FOSL2: variants seen among roughly 807,000 people sequenced by gnomAD.
FOSL2 encodes the protein fos-related antigen 2.
Under a neutral mutation model 27.7 loss-of-function variants are expected in FOSL2, and 3 were observed. That is an observed-to-expected ratio of 0.11 (90% CI 0.05 to 0.28). The LOEUF (loss-of-function observed/expected upper bound fraction) is 0.28, where lower values mean the gene tolerates loss of function less well. Among genes scored for constraint, FOSL2 ranks in the 10% least tolerant of loss-of-function variants. The pLI, the probability that FOSL2 is intolerant of heterozygous loss-of-function variation, is 1.00. For synonymous variants in FOSL2, 179 were observed against 190.1 expected (o/e 0.94, Z 0.48); for missense variants, 333 against 445.1 (o/e 0.75, Z 2.27).
Position 28,411,897 on chromosome 2 carries a change from G to T in FOSL2, c.463-33G>T, listed in dbSNP as rs779738401. On this transcript the variant is annotated intron_variant, in intron 3 of 3. Transcript: ENST00000264716. Reference sequence around the variant, plus strand: ...TGCCTAGATTGGTCCCTGGCAGGTTGCTGTCCCTCACATCCCTCTCTTTCC... The same window carrying T: ...TGCCTAGATTGGTCCCTGGCAGGTTTCTGTCCCTCACATCCCTCTCTTTCC... 30 of 1,613,664 alleles carry T rather than the reference G, an allele frequency of 1.9e-5. No individual in the cohort carries two copies. The East Asian group carries it at 6.7e-4, about 36-fold the overall frequency.
chr2:28,402,991 T>C (rs1039882799), intron 1 of FOSL2, among the ~76,000 whole-genome samples: 8 of 152,166 alleles, frequency 5.3e-5, no homozygotes, highest in African/African-American at 1.9e-4. Context: ...CAGGAAGTGT[T>C]GTTAGCTATT....
chr2:28,394,889 T>C (rs1267831779), intron 1 of FOSL2, among the ~76,000 whole-genome samples: 3 of 152,104 alleles, frequency 2.0e-5, no homozygotes, highest in Non-Finnish European at 4.4e-5. Flanking sequence ...ATGCTCATGC[T>C]CCATAAGGCG....
intron 1 of FOSL2, among the ~76,000 whole-genome samples, chr2:28,403,890 A>G (rs946407509): frequency 1.3e-5 from 2 of 152,138 alleles, no homozygotes; most frequent in African/African-American, 4.8e-5. Context: ...CCAGTCAGGG[A>G]GCAGATCCGA....
intron 1 of FOSL2, among the ~76,000 whole-genome samples, chr2:28,401,341 A>T (rs931342505): frequency 9.9e-5 from 15 of 152,000 alleles, no homozygotes; most frequent in Admixed American, 1.3e-4. Flanking sequence ...AGCTCCTTGG[A>T]ATATTCTAAT....
At chr2:28,401,645 C>G (rs931540548) in intron 1 of FOSL2, among the ~76,000 whole-genome samples, 2 of 152,214 alleles carry the variant, frequency 1.3e-5, no homozygotes, top group African/African-American at 2.4e-5. Context: ...GCCTGCTGTT[C>G]TCACGACTCT....
At chr2:28,411,817 G>T in intron 3 of FOSL2, 113 bp from the exon 4 acceptor site, 1 of 1,099,108 alleles carries the variant, frequency 9.1e-7, no homozygotes, top group Non-Finnish European at 1.4e-6. Context: ...CTGTGGTTAG[G>T]TGTGTGAGCC....
chr2:28,394,056 C>G (rs551486506), intron 1 of FOSL2, among the ~76,000 whole-genome samples: 2 of 150,452 alleles, frequency 1.3e-5, no homozygotes, highest in South Asian at 4.2e-4. Flanking sequence ...ATATTTTACC[C>G]AGATAGACTC....
At position 28,412,167 on chromosome 2, in the gene FOSL2, T is replaced by C. The variant is rs1664217110; in HGVS notation, c.700T>C (p.Ser234Pro). The C allele has an allele frequency of 1.2e-6, 2 of 1,608,070 alleles. No homozygotes were observed. The highest frequency in any genetic ancestry group is 1.7e-5 in the Admixed American group (1 of 59,824). The change falls in exon 4 of 4, where the codon TCG becomes CCG. Residue 234 changes from serine to proline, a missense_variant. Physicochemically the swap from Ser to Pro is moderately conservative, Grantham distance 74. Transcript: ENST00000264716. This position sits in a 1 kb window ranked among gnomAD's most constrained non-coding sequence, Gnocchi z 7.1. ...EPLEEDSPSS[S>P]SAGLDKAQRS... ...CCTGGAAGAGGACAGCCCCTCGTCC[T>C]CGTCGGCGGGGCTGGACAAGGCCCA...
Position 28,404,171 on chromosome 2 carries a change from C to A in FOSL2, c.167C>A (p.Thr56Asn). 6.2e-7 allele frequency: 1 copy of A among 1,614,228 alleles called. No homozygotes were observed. The highest frequency in any genetic ancestry group is 1.1e-5 in the South Asian group (1 of 91,090). ...ATCCCCACCATCAACGCCATCACGA[C>A]CAGCCAGGACCTGCAGTGGATGGTG... ...AFIPTINAIT[T>N]SQDLQWMVQP... The change falls in exon 2 of 4, where the codon ACC becomes AAC. Residue 56 changes from threonine to asparagine, a missense_variant. Physicochemically the swap from Thr to Asn is moderately conservative, Grantham distance 65 (BLOSUM62 0). This residue lies in a region of FOSL2 where 131 missense variants were observed against 157.9 expected (regional missense o/e 0.83). Coordinates refer to ENST00000264716, the MANE Select transcript of FOSL2 (RefSeq NM_005253.4). The surrounding 1 kb of genome is among the most constrained non-coding windows in gnomAD (Gnocchi z 4.7).
Position 28,404,991 on chromosome 2 carries a change from A to G in FOSL2, c.354+633A>G, listed in dbSNP as rs147428877. Among the ~76,000 whole-genome samples the G allele has an allele frequency of 6.6e-6, 1 of 152,296 alleles. No individual in the cohort carries two copies. Among genetic ancestry groups the G allele is most frequent in the East Asian group, 1.9e-4 (1 of 5,176 alleles). Reference sequence around the variant, plus strand: ...GAGGATGAGGCAGGGGAGGCCAGACATCAGCCCTTTTCTCTTCAAGGGGCT... The same window carrying G: ...GAGGATGAGGCAGGGGAGGCCAGACGTCAGCCCTTTTCTCTTCAAGGGGCT... On this transcript the variant is annotated intron_variant, in intron 2 of 3. Transcript: ENST00000264716. The surrounding 1 kb of genome is among the most constrained non-coding windows in gnomAD (Gnocchi z 4.7).
intron 3 of FOSL2, among the ~76,000 whole-genome samples, chr2:28,409,499 C>A (rs1026646863): frequency 1.3e-5 from 2 of 152,196 alleles, no homozygotes; most frequent in African/African-American, 4.8e-5. Flanking sequence ...ATTGCCCAGA[C>A]CTGGGGACCC....
At chr2:28,401,919 T>C (rs1039922679) in intron 1 of FOSL2, among the ~76,000 whole-genome samples, 3 of 152,172 alleles carry the variant, frequency 2.0e-5, no homozygotes, top group African/African-American at 7.2e-5. Context: ...CCCATTGCTC[T>C]AGGCAGCTCT....
intron 1 of FOSL2, among the ~76,000 whole-genome samples, chr2:28,395,215 C>T (rs1663789000): frequency 6.6e-6 from 1 of 152,164 alleles, no homozygotes; most frequent in Admixed American, 6.5e-5. Flanking sequence ...CTTCCCAGCC[C>T]CGCTAGTGGT....
At position 28,413,645 on chromosome 2, in the gene FOSL2, T is replaced by C. The variant is rs1431618843; in HGVS notation, c.*1197T>C. On this transcript the variant is annotated 3_prime_UTR_variant, in exon 4 of 4. Transcript: ENST00000264716. The stretch of plus-strand genomic sequence containing the variant: ...GCTGCCCCAGCACCCGCTCAGCCTG[T>C]CCTGGCTGCTCACCTCCCCGCAGGG... 2.3e-5 allele frequency: 9 copies of C among 398,842 alleles called. No homozygotes were observed. Among genetic ancestry groups the C allele is most frequent in the Non-Finnish European group, 4.0e-5 (9 of 226,346 alleles). 24.7% of individuals were successfully genotyped at this position (398,842 alleles called of 1,614,324 possible).
chr2:28,413,685 T>C lies in FOSL2; in HGVS notation c.*1237T>C. ...TCCCCGCAGGGCACCGGGCCTTTCC[T>C]GCCCTCTGTGGTCATCTGCCACCTG... is the stretch of plus-strand genomic sequence containing the variant. On this transcript the variant is annotated 3_prime_UTR_variant, in exon 4 of 4. Coordinates refer to ENST00000264716, the MANE Select transcript of FOSL2 (RefSeq NM_005253.4). 2.5e-6 allele frequency: 1 copy of C among 399,266 alleles called. No homozygotes were observed. The highest frequency in any genetic ancestry group is 4.4e-6 in the Non-Finnish European group (1 of 226,544). 24.7% of individuals were successfully genotyped at this position (399,266 alleles called of 1,614,324 possible).
At chr2:28,406,857 G>C (rs1345766926) in intron 2 of FOSL2, among the ~76,000 whole-genome samples, 1 of 152,228 alleles carries the variant, frequency 6.6e-6, no homozygotes, top group Non-Finnish European at 1.5e-5. Flanking sequence ...GAGCCGGCCT[G>C]GTGCCTCATA....
intron 3 of FOSL2, 133 bp from the exon 4 acceptor site, chr2:28,411,797 C>A: frequency 1.1e-6 from 1 of 882,314 alleles, no homozygotes; most frequent in Non-Finnish European, 1.8e-6. Flanking sequence ...GAGACTCAGA[C>A]CAGCGGGGTC....
At chr2:28,396,807 C>CACACACACACACACACACACAA (rs1663849233) in intron 1 of FOSL2, 24 of 149,610 alleles carry the variant, frequency 1.6e-4, no homozygotes, top group African/African-American at 5.7e-4. Context: ...CACACACACA[C>CACACACACACACACACACACAA]ACACACACAC....
chr2:28,392,943 AG>A lies in FOSL2; in HGVS notation c.-775del, dbSNP rs1310092086. On this transcript the variant is annotated 5_prime_UTR_variant, in exon 1 of 4. Transcript: ENST00000264716. Reference sequence around the variant, plus strand: ...AGCGGCGCTCGGCGGGGACAGAAAGAGGGAGAGAGAGAGAGAGAGAGAGGGA... The same window carrying A: ...AGCGGCGCTCGGCGGGGACAGAAAGAGGAGAGAGAGAGAGAGAGAGAGGGA... 1.4e-6 allele frequency: 1 copy of A among 699,744 alleles called. No individual in the cohort carries two copies. Among genetic ancestry groups the A allele is most frequent in the African/African-American group, 1.9e-5 (1 of 52,866 alleles). The allele number at this position is 699,744 out of a possible 1,614,324, so 43.3% of individuals were successfully genotyped here. A position where few individuals can be genotyped will look rare whatever the true frequency, so the allele number is the denominator to read the frequency against.
Sources: allele counts gnomAD v4.1 joint callset (sites outside exome capture counted in the v4.1 genomes callset), GRCh38; gene constraint gnomAD v4.1.1; regional missense constraint gnomAD v4.1.1; non-coding constraint Gnocchi (gnomAD v3.1); transcripts MANE v1.5; gene names NCBI Gene and HGNC (gene_info 2026-07-23, HGNC 2026-07-21).